SDHA: variants seen among roughly 807,000 people sequenced by gnomAD.
SDHA encodes the protein succinate dehydrogenase [ubiquinone] flavoprotein subunit, mitochondrial.
In SDHA, 48 loss-of-function variants were observed where a neutral mutation model predicts 78.4. That is an observed-to-expected ratio of 0.61 (90% CI 0.49 to 0.78). The LOEUF is 0.78. SDHA is among the 30% of genes least tolerant of loss of function. The probability of loss-of-function intolerance (pLI) is 0.00; values close to 1 mark genes in which losing one functional copy is unlikely to be tolerated. For missense variants in SDHA, 680 were observed against 892.7 expected (o/e 0.76, Z 3.04); for synonymous variants, 326 against 353.9 (o/e 0.92, Z 0.88).
At chr5:258,427 AGAG>A (rs1737344471), downstream of SDHA, among the ~76,000 whole-genome samples, 9 of 122,862 alleles carry the variant, frequency 7.3e-5, no homozygotes, top group Admixed American at 7.8e-5. Context: ...GCCTCCTGTC[AGAG>A]CATTACTGTG....
chr5:225,566 A>G lies in SDHA; in HGVS notation c.456+4A>G. 1 of 1,613,804 alleles carries G rather than the reference A, an allele frequency of 6.2e-7. No individual in the cohort carries two copies. Among genetic ancestry groups the G allele is most frequent in the Non-Finnish European group, 8.5e-7 (1 of 1,179,782 alleles). On this transcript the variant is annotated splice_donor_region_variant and intron_variant, in intron 4 of 14. Coordinates refer to ENST00000264932, the MANE Select transcript of SDHA (RefSeq NM_004168.4). ...GGCCCCCGCCGCCGTGGTCGAGGTG[A>G]TGGGCGGGAGGCTCTGGGTGTTCTC...
At chr5:245,820 C>T (rs1311571043) in intron 11 of SDHA, among the ~76,000 whole-genome samples, 2 of 152,198 alleles carry the variant, frequency 1.3e-5, no homozygotes, top group Non-Finnish European at 2.9e-5. Flanking sequence ...GGCATTCCTA[C>T]CTATGCCATG....
At chr5:235,062 C>CA (rs1311880476) in intron 8 of SDHA, 82 bp from the exon 9 acceptor site, 2 of 1,370,904 alleles carry the variant, frequency 1.5e-6, no homozygotes, top group African/African-American at 1.4e-5. Context: ...TGTTGAAACT[C>CA]ACACACTTCC....
At chr5:224,713 CTTG>C (rs1734911596) in intron 3 of SDHA, 192 bp downstream of exon 3, 3 of 621,530 alleles carry the variant, frequency 4.8e-6, no homozygotes, top group South Asian at 3.8e-5. Context: ...GGGCGGGAGA[CTTG>C]TTGTCACTCC....
chr5:236,984 C>CT (rs1200266818), intron 10 of SDHA, among the ~76,000 whole-genome samples: 8 of 144,624 alleles, frequency 5.5e-5, no homozygotes, highest in Non-Finnish European at 3.0e-5. Context: ...TGGAAATTTG[C>CT]TTAGTGATCA....
chr5:265,088 T>A, the SDHA span, among the ~76,000 whole-genome samples: 4 of 152,104 alleles, frequency 2.6e-5, no homozygotes, highest in Non-Finnish European at 5.9e-5. Flanking sequence ...GTGCCTGTAA[T>A]CCCAGCTATT....
At chr5:265,647 C>A in the SDHA span, among the ~76,000 whole-genome samples, 1 of 152,078 alleles carries the variant, frequency 6.6e-6, no homozygotes. Flanking sequence ...CATAGTGAAA[C>A]CCCATCTCTA....
chr5:264,891 A>G, the SDHA span, among the ~76,000 whole-genome samples: 1 of 152,202 alleles, frequency 6.6e-6, no homozygotes. Context: ...TAAAACTATA[A>G]CTAATTATGT....
chr5:245,788 T>G (rs1315197478), intron 11 of SDHA, among the ~76,000 whole-genome samples: 2 of 152,208 alleles, frequency 1.3e-5, no homozygotes, highest in Non-Finnish European at 2.9e-5. Flanking sequence ...CTGGGGACAT[T>G]AACTGGATAC....
chr5:223,970 G>C (rs1199714104), intron 2 of SDHA, among the ~76,000 whole-genome samples: 3 of 147,582 alleles, frequency 2.0e-5, no homozygotes, highest in Admixed American at 6.7e-5. Context: ...GGTGTGGGTT[G>C]CTTTGTATTT....
chr5:242,496 T>C (rs1485103562), intron 11 of SDHA, among the ~76,000 whole-genome samples: 1 of 152,254 alleles, frequency 6.6e-6, no homozygotes, highest in African/African-American at 2.4e-5. Context: ...TGGCTTGCTC[T>C]CAATAAATAT....
intron 11 of SDHA, among the ~76,000 whole-genome samples, chr5:243,748 G>A (rs1024062937): frequency 1.3e-5 from 2 of 152,196 alleles, no homozygotes; most frequent in African/African-American, 4.8e-5. Flanking sequence ...CGATTGCCAG[G>A]CTGCTCTGTG....
chr5:227,925 G>T (rs188582692), intron 5 of SDHA: 13 of 462,544 alleles, frequency 2.8e-5, no homozygotes, highest in South Asian at 2.5e-4. Flanking sequence ...TGCCTCTTCG[G>T]GTTGTGTAGA....
chr5:227,004 GTTTGTTTTGT>G (rs369489565), intron 5 of SDHA, among the ~76,000 whole-genome samples: 1 of 150,818 alleles, frequency 6.6e-6, no homozygotes, highest in African/African-American at 2.4e-5. Context: ...GATTGGTTTT[GTTTGTTTTGT>G]TTTGTTTTGT....
At chr5:220,605 T>C (rs1355167067) in intron 1 of SDHA, among the ~76,000 whole-genome samples, 2 of 152,106 alleles carry the variant, frequency 1.3e-5, no homozygotes, top group Non-Finnish European at 2.9e-5. Context: ...GATATTAATA[T>C]TAGTTGGGAG....
At chr5:248,560 C>T (rs1215755412) in intron 11 of SDHA, among the ~76,000 whole-genome samples, 3 of 152,176 alleles carry the variant, frequency 2.0e-5, no homozygotes, top group African/African-American at 4.8e-5. Flanking sequence ...TGCAGTTACA[C>T]ATGCTTTCTG....
At chr5:257,586 A>G (rs1171289981), downstream of SDHA, among the ~76,000 whole-genome samples, 2 of 119,282 alleles carry the variant, frequency 1.7e-5, no homozygotes, top group Non-Finnish European at 3.4e-5. Context: ...CGCCCCTGCC[A>G]GAGCATTACC....
intron 10 of SDHA, among the ~76,000 whole-genome samples, chr5:238,629 C>T (rs1256117173): frequency 1.1e-4 from 16 of 152,050 alleles, no homozygotes; most frequent in African/African-American, 2.7e-4. Flanking sequence ...CTCAGCCTCC[C>T]GAAGTGGTTA....
rs1579397496 is a variant in SDHA at position 230,961 on chromosome 5, C to T, written c.856C>T (p.Pro286Ser). The change falls in exon 7 of 15, where the codon CCT becomes TCT. Residue 286 changes from proline to serine, a missense_variant. Coordinates refer to ENST00000264932, the MANE Select transcript of SDHA (RefSeq NM_004168.4). Reference sequence around the variant, plus strand: ...GGCCATGATCACCAGGGCAGGCCTTCCTTGCCAGGACCTAGAGTTTGTTCA... The same window carrying T: ...GGCCATGATCACCAGGGCAGGCCTTTCTTGCCAGGACCTAGAGTTTGTTCA... ...GTAMITRAGL[P>S]CQDLEFVQFH... is the part of the protein sequence containing the mutation. 6.2e-7 allele frequency: 1 copy of T among 1,613,978 alleles called. No homozygotes were observed.
Sources: gnomAD v4.1 joint callset for allele counts (sites outside exome capture counted in the v4.1 genomes callset) on GRCh38, gnomAD v4.1.1 for gene constraint, MANE v1.5 for transcripts, NCBI Gene and HGNC (gene_info 2026-07-23, HGNC 2026-07-21) for gene names.